The following SASH1 variants were observed in gnomAD, a reference collection of about 807,000 sequenced individuals.
SASH1 encodes the protein SAM and SH3 domain-containing protein 1.
SASH1 carries 44 observed loss-of-function variants against 125.2 expected under a neutral mutation model. That is an observed-to-expected ratio of 0.35 (90% CI 0.28 to 0.45). The LOEUF is 0.45. Ranked by LOEUF, SASH1 falls within the 20% of genes least tolerant of loss-of-function variation. SASH1 has a pLI of 1.00. For synonymous variants in SASH1, 639 were observed against 649.1 expected (o/e 0.98, Z 0.24); for missense variants, 1,426 against 1,614.5 (o/e 0.88, Z 2.00).
intron 1 of SASH1, among the ~76,000 whole-genome samples, chr6:148,371,826 T>G (rs1425428427): frequency 6.6e-6 from 1 of 152,140 alleles, no homozygotes; most frequent in Non-Finnish European, 1.5e-5. Flanking sequence ...GACAGTTAAT[T>G]CTAATGGCCT....
At chr6:148,319,913 C>G (rs1780595814) in intron 1 of SASH1, among the ~76,000 whole-genome samples, 1 of 152,166 alleles carries the variant, frequency 6.6e-6, no homozygotes, top group African/African-American at 2.4e-5. Context: ...TCCCTCTGTC[C>G]ATTGTACCCA....
chr6:148,234,758 C>T, the SASH1 span, among the ~76,000 whole-genome samples: 6,319 of 150,584 alleles, frequency 0.042, 172 homozygotes, highest in Non-Finnish European at 0.057. Context: ...ACCCGGGAGG[C>T]GGAGGTTGCA....
chr6:148,409,812 T>C (rs949203038), intron 2 of SASH1, among the ~76,000 whole-genome samples: 4 of 152,032 alleles, frequency 2.6e-5, no homozygotes, highest in Admixed American at 6.5e-5. Flanking sequence ...CACGTGTCTG[T>C]AATCCCAGCT....
intron 7 of SASH1, chr6:148,480,285 C>T (rs1403943410): frequency 6.7e-6 from 1 of 149,202 alleles, no homozygotes; most frequent in African/African-American, 2.5e-5. Flanking sequence ...CGCACCATTG[C>T]ACTCTAGCCT....
intron 8 of SASH1, chr6:148,513,116 T>C (rs891044174): frequency 4.1e-6 from 4 of 985,350 alleles, no homozygotes; most frequent in Middle Eastern, 5.2e-4. Flanking sequence ...TCTGCAACTC[T>C]TGCTTATCTG....
In SASH1 at chr6:148,549,400, CAT is replaced by C. The variant is rs1491239307; in HGVS notation, c.*843_*844del. 62 of 384,986 alleles carry C rather than the reference CAT, an allele frequency of 1.6e-4. No homozygotes were observed. Among genetic ancestry groups the C allele is most frequent in the African/African-American group, 2.7e-4 (13 of 48,460 alleles). 23.8% of individuals were successfully genotyped at this position (384,986 alleles called of 1,614,324 possible). On this transcript the variant is annotated 3_prime_UTR_variant, in exon 20 of 20. Transcript: ENST00000367467. ...AAAGCTATCTGAAATTCACAAATAT[CAT>C]GTGTGTGCGTGCGTGCGTGCGCGTG...
intron 15 of SASH1, among the ~76,000 whole-genome samples, 174 bp from the exon 16 acceptor site, chr6:148,534,577 A>G (rs1232290639): frequency 6.6e-6 from 1 of 152,182 alleles, no homozygotes; most frequent in Non-Finnish European, 1.5e-5. Context: ...CTGCTTGCCT[A>G]CTAAGCCAGA....
intron 1 of SASH1, among the ~76,000 whole-genome samples, chr6:148,386,181 T>C (rs1245590917): frequency 4.6e-5 from 7 of 152,204 alleles, no homozygotes; most frequent in African/African-American, 1.4e-4. Flanking sequence ...TGCCCAACCA[T>C]GTCTGGTGTC....
intron 4 of SASH1, among the ~76,000 whole-genome samples, chr6:148,442,189 T>A (rs1302321584): frequency 2.0e-5 from 3 of 151,870 alleles, no homozygotes; most frequent in Non-Finnish European, 4.4e-5. Flanking sequence ...GAGTTTGAGA[T>A]CAGCCTGGGC....
the SASH1 span, among the ~76,000 whole-genome samples, chr6:148,259,072 A>T: frequency 6.6e-6 from 1 of 152,120 alleles, no homozygotes; most frequent in Non-Finnish European, 1.5e-5. Flanking sequence ...TACCTCCGTT[A>T]CCTTGGCCAT....
At chr6:148,194,073 A>G in the SASH1 span, among the ~76,000 whole-genome samples, 1 of 152,222 alleles carries the variant, frequency 6.6e-6, no homozygotes, top group Non-Finnish European at 1.5e-5. Flanking sequence ...GGAGGATTCT[A>G]ATGTCTAAGA....
At chr6:148,415,518 A>G (rs746797983) in intron 2 of SASH1, among the ~76,000 whole-genome samples, 1 of 152,238 alleles carries the variant, frequency 6.6e-6, no homozygotes, top group Non-Finnish European at 1.5e-5. Flanking sequence ...TTAAAAAATG[A>G]AAACCACTTA....
chr6:148,506,195 T>C (rs1030809120), intron 8 of SASH1, among the ~76,000 whole-genome samples: 15 of 150,980 alleles, frequency 9.9e-5, no homozygotes, highest in African/African-American at 3.6e-4. Context: ...ATAATAAGGC[T>C]GGGCTTGGTG....
At chr6:148,429,721 C>T (rs1194068967) in intron 2 of SASH1, among the ~76,000 whole-genome samples, 2 of 151,436 alleles carry the variant, frequency 1.3e-5, no homozygotes, top group African/African-American at 4.9e-5. Context: ...CCAGCCTGGG[C>T]GACAGAGCAA....
intron 1 of SASH1, among the ~76,000 whole-genome samples, chr6:148,307,096 C>CTTTT: frequency 7.5e-6 from 1 of 133,878 alleles, no homozygotes; most frequent in Non-Finnish European, 1.6e-5. Flanking sequence ...TTCTTTCTTT[C>CTTTT]TCTCTCTCTG....
In SASH1 at chr6:148,468,564, A is replaced by C. The variant is rs1179434918; in HGVS notation, c.406A>C (p.Asn136His). 2 of 1,609,384 alleles carry C rather than the reference A, an allele frequency of 1.2e-6. No individual in the cohort carries two copies. The highest frequency in any genetic ancestry group is 1.3e-5 in the African/African-American group (1 of 74,838). The change falls in exon 5 of 20, where the codon AAC (asparagine) becomes CAC (histidine). Residue 136 changes from asparagine (N) to histidine (H), a missense_variant. Transcript: ENST00000367467. ...TTCTAGGAACCCTCTTCATAAATCAAACTCAGAAGACAGCTCTGTAGGTCA... is the reference window on the plus strand; with the variant it reads ...TTCTAGGAACCCTCTTCATAAATCACACTCAGAAGACAGCTCTGTAGGTCA... ...VERKNPLHKS[N>H]SEDSSVGKGD...
chr6:148,482,991 A>G (rs1420932542), intron 7 of SASH1, among the ~76,000 whole-genome samples: 1 of 152,078 alleles, frequency 6.6e-6, no homozygotes. Flanking sequence ...GCCTGGTTCA[A>G]ACTTTTCTTA....
At chr6:148,322,929 C>CTTTTT (rs1205474352) in intron 1 of SASH1, among the ~76,000 whole-genome samples, 1 of 121,646 alleles carries the variant, frequency 8.2e-6, no homozygotes. Context: ...TTCTTTCTCT[C>CTTTTT]TTTCTTTTCC....
chr6:148,337,459 C>A (rs772330621), intron 1 of SASH1, among the ~76,000 whole-genome samples: 1 of 151,958 alleles, frequency 6.6e-6, no homozygotes, highest in Non-Finnish European at 1.5e-5. Flanking sequence ...CTCCTGACCT[C>A]GTGATCCGCC....
Sources: gnomAD v4.1 joint callset for allele counts (sites outside exome capture counted in the v4.1 genomes callset) on GRCh38, gnomAD v4.1.1 for gene constraint, MANE v1.5 for transcripts, NCBI Gene and HGNC (gene_info 2026-07-23, HGNC 2026-07-21) for gene names.